Variants in TSPAN5 observed in about 807,000 individuals in gnomAD.
TSPAN5 encodes tetraspanin-5.
A neutral mutation model predicts 37.1 loss-of-function variants in TSPAN5; 10 were observed. The ratio of observed to expected loss-of-function variants is 0.27; its 90% CI spans 0.17 to 0.46. The LOEUF (loss-of-function observed/expected upper bound fraction) is 0.46. Ranked by LOEUF, TSPAN5 falls within the 20% of genes least tolerant of loss-of-function variation. The pLI is 1.00. For missense variants in TSPAN5, 195 were observed against 326.6 expected (o/e 0.60, Z 3.11); for synonymous variants, 110 against 118.9 (o/e 0.93, Z 0.48).
At position 98,658,303 on chromosome 4, in the gene TSPAN5, G is replaced by A. The variant is rs1757336197; in HGVS notation, c.-77C>T. The stretch of plus-strand genomic sequence containing the variant: ...AAGCACCGTTGCTCGGAGCAGCCCG[G>A]CGGGGAGCAGGAGCTCAGGGACACC... On this transcript the variant is annotated 5_prime_UTR_variant, in exon 1 of 8. Coordinates refer to ENST00000305798, the MANE Select transcript of TSPAN5 (RefSeq NM_005723.4). 1.0e-5 allele frequency: 13 copies of A among 1,250,472 alleles called. No homozygotes were observed. The highest frequency in any genetic ancestry group is 1.4e-5 in the Non-Finnish European group (12 of 850,336). 77.5% of individuals were successfully genotyped at this position (1,250,472 alleles called of 1,614,324 possible). A position where few individuals can be genotyped will look rare whatever the true frequency, so the allele number is the denominator to read the frequency against.
At chr4:98,574,055 T>C (rs59778392) in intron 1 of TSPAN5, among the ~76,000 whole-genome samples, 1 of 152,324 alleles carries the variant, frequency 6.6e-6, no homozygotes, top group East Asian at 1.9e-4. Flanking sequence ...GGCCAAGAGT[T>C]TCCTACAAGG....
intron 1 of TSPAN5, among the ~76,000 whole-genome samples, chr4:98,641,086 T>C (rs1756954984): frequency 6.6e-6 from 1 of 152,212 alleles, no homozygotes; most frequent in Non-Finnish European, 1.5e-5. Flanking sequence ...GTTGTAATAT[T>C]CTCTGCCTAG....
At chr4:98,602,631 C>T (rs1276817705) in intron 1 of TSPAN5, among the ~76,000 whole-genome samples, 1 of 152,214 alleles carries the variant, frequency 6.6e-6, no homozygotes, top group African/African-American at 2.4e-5. Flanking sequence ...TTGAAGTGTT[C>T]TGTTTCCAAA....
At chr4:98,580,301 A>T (rs1382381167) in intron 1 of TSPAN5, among the ~76,000 whole-genome samples, 1 of 152,234 alleles carries the variant, frequency 6.6e-6, no homozygotes, top group African/African-American at 2.4e-5. Context: ...TGCACAGTTG[A>T]GTCCATCTGA....
chr4:98,586,104 A>G (rs1024418066), intron 1 of TSPAN5, among the ~76,000 whole-genome samples: 2 of 152,246 alleles, frequency 1.3e-5, no homozygotes, highest in African/African-American at 4.8e-5. Flanking sequence ...CTGGAATTCA[A>G]TGTCAATTGA....
At chr4:98,619,363 AG>A (rs1220895787) in intron 1 of TSPAN5, among the ~76,000 whole-genome samples, 1 of 152,200 alleles carries the variant, frequency 6.6e-6, no homozygotes, top group East Asian at 1.9e-4. Flanking sequence ...TGCTAAACTG[AG>A]ATCATGAGCA....
At chr4:98,497,398 C>T (rs900185725) in intron 2 of TSPAN5, among the ~76,000 whole-genome samples, 20 of 151,986 alleles carry the variant, frequency 1.3e-4, no homozygotes, top group African/African-American at 2.7e-4. Context: ...AGCAAAAAGG[C>T]GGCTGCAAAC....
At chr4:98,542,546 A>C (rs1024437426) in intron 1 of TSPAN5, among the ~76,000 whole-genome samples, 3 of 151,964 alleles carry the variant, frequency 2.0e-5, no homozygotes, top group Non-Finnish European at 2.9e-5. Flanking sequence ...CAAGACACCC[A>C]TTCTCTACAA....
At chr4:98,483,592 A>G (rs1403634126) in intron 3 of TSPAN5, 3 of 152,060 alleles carry the variant, frequency 2.0e-5, no homozygotes, top group Admixed American at 1.3e-4. Flanking sequence ...ATCTGGCAGT[A>G]TTTGTCTAGG....
intron 1 of TSPAN5, among the ~76,000 whole-genome samples, chr4:98,543,295 C>T (rs1301770820): frequency 5.9e-5 from 9 of 151,984 alleles, no homozygotes; most frequent in African/African-American, 1.5e-4. Flanking sequence ...CCTATGGGGT[C>T]GGGGGTTAGA....
chr4:98,657,766 T>C, intron 1 of TSPAN5: 1 of 276,976 alleles, frequency 3.6e-6, no homozygotes, highest in Non-Finnish European at 6.9e-6. Context: ...CCGATTAGCC[T>C]TCCCTATTAT....
intron 1 of TSPAN5, among the ~76,000 whole-genome samples, chr4:98,545,937 A>G (rs186207686): frequency 1.3e-5 from 2 of 152,256 alleles, no homozygotes; most frequent in Admixed American, 6.5e-5. Flanking sequence ...TAATAATGTT[A>G]ATAGCAAACA....
At chr4:98,552,092 CTTCTT>C (rs1200025819) in intron 1 of TSPAN5, among the ~76,000 whole-genome samples, 8 of 151,936 alleles carry the variant, frequency 5.3e-5, no homozygotes, top group Non-Finnish European at 8.8e-5. Context: ...GATCTTCTCT[CTTCTT>C]TTCTTGGTTA....
chr4:98,603,996 G>A (rs1403057374), intron 1 of TSPAN5, among the ~76,000 whole-genome samples: 4 of 152,014 alleles, frequency 2.6e-5, no homozygotes, highest in Admixed American at 6.6e-5. Context: ...CATTTTGAAC[G>A]ACCGCTCTAT....
intron 1 of TSPAN5, among the ~76,000 whole-genome samples, chr4:98,516,099 T>G (rs937865810): frequency 6.6e-6 from 1 of 152,212 alleles, no homozygotes; most frequent in Non-Finnish European, 1.5e-5. Flanking sequence ...GGGATACAAA[T>G]GATAACCAAT....
chr4:98,527,851 A>G (rs1753994141), intron 1 of TSPAN5, among the ~76,000 whole-genome samples: 1 of 152,224 alleles, frequency 6.6e-6, no homozygotes, highest in African/African-American at 2.4e-5. Context: ...AAAATGTAAA[A>G]AAGAAATAAC....
chr4:98,523,112 A>T (rs1753890404), intron 1 of TSPAN5, among the ~76,000 whole-genome samples: 1 of 152,232 alleles, frequency 6.6e-6, no homozygotes. Context: ...TACATATAAG[A>T]CAAACTATTC....
At chr4:98,564,258 C>T (rs553138051) in intron 1 of TSPAN5, among the ~76,000 whole-genome samples, 2 of 152,184 alleles carry the variant, frequency 1.3e-5, no homozygotes, top group Non-Finnish European at 2.9e-5. Flanking sequence ...CAAATCCTAG[C>T]ATTTCTATCA....
Position 98,653,946 on chromosome 4 carries a change from A to C in TSPAN5, c.81+4200T>G, listed in dbSNP as rs116488029. ...ATTCAGCAGTCTGCATGAGTGCTCTAACCAATGGAATAGATAAAAGTGGCA... is the reference window on the plus strand; with the variant it reads ...ATTCAGCAGTCTGCATGAGTGCTCTCACCAATGGAATAGATAAAAGTGGCA... On this transcript the variant is annotated intron_variant, in intron 1 of 7. Coordinates refer to ENST00000305798, the MANE Select transcript of TSPAN5 (RefSeq NM_005723.4). Among the ~76,000 whole-genome samples, 621 of 152,300 alleles carry C rather than the reference A, an allele frequency of 4.1e-3. 6 individuals carry two copies. Among genetic ancestry groups the C allele is most frequent in the African/African-American group, 0.015 (604 of 41,550 alleles).
Sources: allele counts gnomAD v4.1 joint callset (sites outside exome capture counted in the v4.1 genomes callset), GRCh38; gene constraint gnomAD v4.1.1; transcripts MANE v1.5; gene names NCBI Gene and HGNC (gene_info 2026-07-23, HGNC 2026-07-21).